The following FCRL3 variants were observed in gnomAD, a reference collection of about 807,000 sequenced individuals.
FCRL3 encodes the protein Fc receptor like 3, also known as Fc receptor-like protein 3.
FCRL3 carries 89 observed loss-of-function variants against 75.0 expected under a neutral mutation model. That is an observed-to-expected ratio of 1.19 (90% CI 1.00 to 1.42). The LOEUF (loss-of-function observed/expected upper bound fraction) is 1.42. FCRL3 is among the 40% of genes most tolerant of loss of function. The probability of loss-of-function intolerance (pLI) is 0.00; values close to 1 mark genes in which losing one functional copy is unlikely to be tolerated. For missense variants in FCRL3, 946 were observed against 880.0 expected (o/e 1.07, Z -0.95); for synonymous variants, 376 against 348.5 (o/e 1.08, Z -0.88).
chr1:157,678,919 G>A (rs766657529), intron 14 of FCRL3, 23 bp downstream of exon 14: 13 of 1,613,978 alleles, frequency 8.1e-6, no homozygotes, highest in Non-Finnish European at 1.1e-5. Context: ...AGAGAGGAAA[G>A]AAAGCCAAGA....
intron 6 of FCRL3, chr1:157,696,891 G>C (rs534166675): frequency 8.5e-5 from 28 of 330,564 alleles, no homozygotes; most frequent in African/African-American, 5.7e-4. Context: ...TGAGAGAACC[G>C]ATCTTGTACA....
rs781521809 is a variant in FCRL3, at chr1:157,690,577, G to A, written c.1412-44C>T. 8 of 1,599,326 alleles carry A rather than the reference G, an allele frequency of 5.0e-6. No individual in the cohort carries two copies. In the African/African-American group the frequency reaches 8.1e-5, roughly 16 times the overall value. On this transcript the variant is annotated intron_variant, in intron 8 of 14. Coordinates refer to ENST00000368184, the MANE Select transcript of FCRL3 (RefSeq NM_052939.4). ...TTCACTGGCAGTTTTACTTAAGTAGGTATACAAGAGAACTTAATAAAGGAA... is the reference window on the plus strand; with the variant it reads ...TTCACTGGCAGTTTTACTTAAGTAGATATACAAGAGAACTTAATAAAGGAA...
chr1:157,690,359 G>A lies in FCRL3; in HGVS notation c.1586C>T (p.Ser529Phe), dbSNP rs200237068. 4 of 1,614,206 alleles carry A rather than the reference G, an allele frequency of 2.5e-6. No individual in the cohort carries two copies. The highest frequency in any genetic ancestry group is 3.4e-6 in the Non-Finnish European group (4 of 1,180,040). Residue 529 changes from serine (S) to phenylalanine (F), a missense_variant, in exon 9 of 15, where the codon TCC (serine) becomes TTC (phenylalanine). Physicochemically the swap from Ser to Phe is radical, Grantham distance 155. Coordinates refer to ENST00000368184, the MANE Select transcript of FCRL3 (RefSeq NM_052939.4). ...TTCTGTAGTCAGAGAGAGGTTGAAG[G>A]ATGCCCCTCCTCCAGAGTGGGCCGA... ...NISAHSGGGASFNLSLTTEHS... is the reference protein window; with the variant it reads ...NISAHSGGGAFFNLSLTTEHS...
chr1:157,693,665 G>A (rs1557830315), intron 8 of FCRL3, among the ~76,000 whole-genome samples: 3 of 152,006 alleles, frequency 2.0e-5, no homozygotes, highest in South Asian at 2.1e-4. Flanking sequence ...TTAAAATATT[G>A]TTTATTTCAT....
Position 157,678,791 on chromosome 1 carries a change from G to T in FCRL3, c.2124C>A (p.Ser708Arg), listed in dbSNP as rs146537365. The T allele has an allele frequency of 6.2e-7, 1 of 1,614,066 alleles. No individual in the cohort carries two copies. Among genetic ancestry groups the T allele is most frequent in the Non-Finnish European group, 8.5e-7 (1 of 1,180,014 alleles). The change falls in exon 15 of 15, where the codon AGC (serine) becomes AGA (arginine). Residue 708 changes from serine to arginine, a missense_variant. By Grantham distance (110) the Ser-to-Arg change is moderately radical. Transcript: ENST00000368184. ...CTTCTTCATGGGCCCTGCCTCTGCT[G>T]CTAGCCTCCCCTGCAGAGTCGTCTG... ...THPDDSAGEA[S>R]SRGRAHEEDD...
Position 157,689,829 on chromosome 1 carries a change from C to A in FCRL3, c.1779G>T (p.Leu593=), listed in dbSNP as rs202209862. 251 of 1,614,172 alleles carry A rather than the reference C, an allele frequency of 1.6e-4. No individual in the cohort carries two copies. Among genetic ancestry groups the A allele is most frequent in the Non-Finnish European group, 1.8e-4 (216 of 1,180,032 alleles). ...SILVLAAAAA[L]LHYARARRKP... is the part of the protein sequence containing the mutation. ...TCCTTCGGGCCCTGGCGTAATGCAG[C>A]AGAGCAGCAGCAGCAGCAAGGACGA... is the stretch of plus-strand genomic sequence containing the variant. Residue 593 remains leucine (L), a synonymous_variant, in exon 10 of 15, where the codon CTG becomes CTT. Coordinates refer to ENST00000368184, the MANE Select transcript of FCRL3 (RefSeq NM_052939.4).
chr1:157,698,142 A>G (rs1461346861), intron 4 of FCRL3: 2 of 718,354 alleles, frequency 2.8e-6, no homozygotes, highest in Non-Finnish European at 4.5e-6. Context: ...TTCACAAAAG[A>G]GGAATCCCAG....
At chr1:157,698,760 G>T in intron 3 of FCRL3, 131 bp from the exon 4 acceptor site, 2 of 866,756 alleles carry the variant, frequency 2.3e-6, no homozygotes, top group Non-Finnish European at 3.6e-6. Context: ...GGAAAATTGA[G>T]CAGAAATAAC....
In FCRL3 at chr1:157,700,446, C is replaced by G. The variant is rs376852410; in HGVS notation, c.31+13G>C. On this transcript the variant is annotated intron_variant, in intron 2 of 14. Transcript: ENST00000368184. ...AACTGAGGCCGTGGCCCCATTATAG[C>G]CCATCTACTCACTCAGGATCAGCAG... The G allele has an allele frequency of 6.2e-7, 1 of 1,613,940 alleles. No homozygotes were observed. Among genetic ancestry groups the G allele is most frequent in the Non-Finnish European group, 8.5e-7 (1 of 1,179,938 alleles).
rs1557831828 is a variant in FCRL3, at chr1:157,695,557, C to CA, written c.1182dup (p.Val395CysfsTer11). The CA allele has an allele frequency of 6.2e-7, 1 of 1,613,838 alleles. No homozygotes were observed. Among genetic ancestry groups the CA allele is most frequent in the African/African-American group, 1.3e-5 (1 of 74,920 alleles). On this transcript the variant is annotated frameshift_variant, in exon 8 of 15. Transcript: ENST00000368184. LOFTEE classifies it high-confidence loss of function. Reference sequence around the variant, plus strand: ...TGAAGCTCCAGCAGGTCCCCCACCACAGTGTGGGCCCTGGGAGCCCTGAAG... The same window carrying CA: ...TGAAGCTCCAGCAGGTCCCCCACCACAAGTGTGGGCCCTGGGAGCCCTGAAG...
chr1:157,691,017 A>ATGTATGTATGTG (rs1655499398), intron 8 of FCRL3, among the ~76,000 whole-genome samples: 1 of 151,298 alleles, frequency 6.6e-6, no homozygotes, highest in Non-Finnish European at 1.5e-5. Context: ...GTATGTATGT[A>ATGTATGTATGTG]TGTATGTATG....
intron 6 of FCRL3, 34 bp downstream of exon 6, chr1:157,697,106 C>A: frequency 7.1e-7 from 1 of 1,402,966 alleles, no homozygotes; most frequent in South Asian, 2.0e-5. Context: ...CTCCCCAGCT[C>A]TGACTCTGGA....
chr1:157,692,750 C>G (rs1321549678), intron 8 of FCRL3, among the ~76,000 whole-genome samples: 2 of 152,162 alleles, frequency 1.3e-5, no homozygotes, highest in Non-Finnish European at 2.9e-5. Flanking sequence ...TAATACTTAG[C>G]AAACACTTTA....
chr1:157,689,947 A>G, intron 9 of FCRL3, 30 bp from the exon 10 acceptor site: 1 of 1,611,664 alleles, frequency 6.2e-7, no homozygotes, highest in Non-Finnish European at 8.5e-7. Context: ...CTTGAGTTTC[A>G]GTGGCACAGG....
At chr1:157,691,782 T>A (rs1013252949) in intron 8 of FCRL3, 9 of 152,234 alleles carry the variant, frequency 5.9e-5, no homozygotes, top group Admixed American at 1.3e-4. Context: ...ACCTCTTGCA[T>A]CCCCTCCTCT....
At position 157,680,965 on chromosome 1, in the gene FCRL3, C is replaced by T. The variant is rs752168518; in HGVS notation, c.1957+16G>A. The T allele has an allele frequency of 1.9e-6, 3 of 1,561,694 alleles. No individual in the cohort carries two copies. The highest frequency in any genetic ancestry group is 3.8e-5 in the Admixed American group (2 of 52,200). ...GGCTCCTCCCTAGAGCCTTCTGCCC[C>T]CTAGGGAGTCCTCACCATTGCTGTA... On this transcript the variant is annotated intron_variant, in intron 12 of 14. Coordinates refer to ENST00000368184, the MANE Select transcript of FCRL3 (RefSeq NM_052939.4).
Position 157,678,073 on chromosome 1 carries a change from G to T in FCRL3, c.*637C>A. The T allele has an allele frequency of 1.0e-6, 1 of 985,584 alleles. No individual in the cohort carries two copies. The highest frequency in any genetic ancestry group is 1.7e-5 in the African/African-American group (1 of 57,278). 61.1% of individuals were successfully genotyped at this position (985,584 alleles called of 1,614,324 possible). A position where few individuals can be genotyped will look rare whatever the true frequency, so the allele number is the denominator to read the frequency against. Reference sequence around the variant, plus strand: ...TTCACACATAAGGTCTTTGCAGTGGGGATACAAGTCACATATTAAACTAGC... The same window carrying T: ...TTCACACATAAGGTCTTTGCAGTGGTGATACAAGTCACATATTAAACTAGC... On this transcript the variant is annotated 3_prime_UTR_variant, in exon 15 of 15. Coordinates refer to ENST00000368184, the MANE Select transcript of FCRL3 (RefSeq NM_052939.4).
At chr1:157,680,884 C>T in intron 12 of FCRL3, 97 bp downstream of exon 12, 1 of 1,439,254 alleles carries the variant, frequency 6.9e-7, no homozygotes, top group Admixed American at 1.8e-5. Context: ...CTAGGAATGT[C>T]ATTTTTAAAT....
chr1:157,680,717 T>C lies in FCRL3; in HGVS notation c.2011A>G (p.Thr671Ala). ...GGCATCTTACCTGAGTTTTCTTTTGTATGCTGGATGCTCCAGATCTGGGAA... is the reference window on the plus strand; with the variant it reads ...GGCATCTTACCTGAGTTTTCTTTTGCATGCTGGATGCTCCAGATCTGGGAA... ...IYSQIWSIQH[T>A]KENSANCPMM... Residue 671 changes from threonine to alanine, a missense_variant, in exon 13 of 15, where the codon ACA (threonine) becomes GCA (alanine). By Grantham distance (58) the Thr-to-Ala change is moderately conservative (BLOSUM62 0). Transcript: ENST00000368184. 1.9e-6 allele frequency: 3 copies of C among 1,614,082 alleles called. No homozygotes were observed. The highest frequency in any genetic ancestry group is 1.3e-5 in the African/African-American group (1 of 75,064).
Sources: gnomAD v4.1 joint callset for allele counts (sites outside exome capture counted in the v4.1 genomes callset) on GRCh38, gnomAD v4.1.1 for gene constraint, MANE v1.5 for transcripts, NCBI Gene and HGNC (gene_info 2026-07-23, HGNC 2026-07-21) for gene names.